HIP1: variants seen among roughly 807,000 people sequenced by gnomAD.
HIP1 encodes the protein huntingtin interacting protein 1, also known as huntingtin-interacting protein 1.
A neutral mutation model predicts 147.6 loss-of-function variants in HIP1; 65 were observed. The observed-to-expected ratio is 0.44, with a 90% CI of 0.36 to 0.54. The LOEUF (loss-of-function observed/expected upper bound fraction) is 0.54. Ranked by LOEUF, HIP1 falls within the 20% of genes least tolerant of loss-of-function variation. The pLI is 0.00. For synonymous variants in HIP1, 479 were observed against 504.0 expected (o/e 0.95, Z 0.67); for missense variants, 1,061 against 1,299.6 (o/e 0.82, Z 2.82).
chr7:75,602,332 T>TTC (rs1554503109), intron 1 of HIP1, among the ~76,000 whole-genome samples: 15 of 116,148 alleles, frequency 1.3e-4, no homozygotes, highest in African/African-American at 2.3e-4. Flanking sequence ...TTTTTTTTTT[T>TTC]CAAAAGAGAT....
intron 1 of HIP1, among the ~76,000 whole-genome samples, chr7:75,624,413 A>C (rs1797959946): frequency 6.6e-6 from 1 of 152,122 alleles, no homozygotes; most frequent in Non-Finnish European, 1.5e-5. Context: ...TGGGGTGAAG[A>C]AGAGCCCTTC....
intron 9 of HIP1, among the ~76,000 whole-genome samples, chr7:75,567,018 A>C (rs1554495632): frequency 6.6e-6 from 1 of 151,212 alleles, no homozygotes; most frequent in African/African-American, 2.5e-5. Flanking sequence ...AGGCTGAGGC[A>C]GGAGAATCAC....
intron 22 of HIP1, among the ~76,000 whole-genome samples, chr7:75,552,349 G>A (rs1490820916): frequency 1.3e-5 from 2 of 151,890 alleles, no homozygotes; most frequent in Non-Finnish European, 2.9e-5. Flanking sequence ...TGGTATACAG[G>A]ACATATTTAT....
chr7:75,692,263 A>G (rs1800482783), intron 1 of HIP1, among the ~76,000 whole-genome samples: 1 of 151,282 alleles, frequency 6.6e-6, no homozygotes, highest in Non-Finnish European at 1.5e-5. Flanking sequence ...TTAATTATTT[A>G]TTGATTTTTT....
At chr7:75,631,704 G>T (rs1798227575) in intron 1 of HIP1, among the ~76,000 whole-genome samples, 1 of 152,080 alleles carries the variant, frequency 6.6e-6, no homozygotes, top group Admixed American at 6.6e-5. Context: ...TTTATTTGGG[G>T]CTCCGGAGCA....
intron 1 of HIP1, among the ~76,000 whole-genome samples, chr7:75,701,916 A>ATTAT (rs1308236341): frequency 2.2e-4 from 33 of 151,780 alleles, no homozygotes; most frequent in African/African-American, 6.3e-4. Context: ...TCCTCACTTT[A>ATTAT]TTATTTATTT....
chr7:75,653,212 G>T (rs781972711), intron 1 of HIP1, among the ~76,000 whole-genome samples: 1 of 152,060 alleles, frequency 6.6e-6, no homozygotes, highest in Non-Finnish European at 1.5e-5. Context: ...CAGGCTGGGG[G>T]TCTGCTCTGG....
At chr7:75,630,813 G>T (rs1169275315) in intron 1 of HIP1, among the ~76,000 whole-genome samples, 1 of 152,128 alleles carries the variant, frequency 6.6e-6, no homozygotes, top group Non-Finnish European at 1.5e-5. Flanking sequence ...ACCCAGCAGT[G>T]ATCATTCTGC....
chr7:75,706,331 ATTGT>A (rs1244165869), intron 1 of HIP1, among the ~76,000 whole-genome samples: 4 of 151,422 alleles, frequency 2.6e-5, no homozygotes, highest in African/African-American at 4.9e-5. Flanking sequence ...GGTTTTATTT[ATTGT>A]TTGTTTGTTT....
In HIP1 at chr7:75,538,187, T is replaced by A. The variant is rs1554489155; in HGVS notation, c.3099A>T (p.Val1033=). ...EASPPTLQEV[V]TEKE ...TGGTTTGGCTCTATTCTTTTTCGGTTACCACTTCTTGCAGTGTAGGTGGAG... is the reference window on the plus strand; with the variant it reads ...TGGTTTGGCTCTATTCTTTTTCGGTAACCACTTCTTGCAGTGTAGGTGGAG... The change falls in exon 31 of 31, where the codon GTA becomes GTT. Residue 1033 remains valine (V), a synonymous_variant. Coordinates refer to ENST00000336926, the MANE Select transcript of HIP1 (RefSeq NM_005338.7). 1 of 1,613,030 alleles carries A rather than the reference T, an allele frequency of 6.2e-7. No homozygotes were observed. Among genetic ancestry groups the A allele is most frequent in the Non-Finnish European group, 8.5e-7 (1 of 1,179,070 alleles).
At chr7:75,559,700 G>A (rs1554494128) in intron 14 of HIP1, 32 bp downstream of exon 14, 2 of 1,148,334 alleles carry the variant, frequency 1.7e-6, no homozygotes, top group Middle Eastern at 3.1e-4. Context: ...GCCTGCCCCC[G>A]GGGCCCGCCC....
At chr7:75,735,672 C>A (rs1554523559) in intron 1 of HIP1, among the ~76,000 whole-genome samples, 1 of 151,220 alleles carries the variant, frequency 6.6e-6, no homozygotes, top group African/African-American at 2.4e-5. Flanking sequence ...GTTCTCTTTT[C>A]TTTTCTTTTC....
intron 2 of HIP1, among the ~76,000 whole-genome samples, chr7:75,598,723 C>T (rs1270475249): frequency 6.6e-6 from 1 of 151,848 alleles, no homozygotes; most frequent in Non-Finnish European, 1.5e-5. Flanking sequence ...ATGAGCAATA[C>T]CCCATCTCTA....
chr7:75,720,264 G>A (rs965126321), intron 1 of HIP1, among the ~76,000 whole-genome samples: 19 of 152,094 alleles, frequency 1.2e-4, no homozygotes, highest in African/African-American at 3.4e-4. Flanking sequence ...GGGTTCAAGC[G>A]ATTCTCGTGC....
chr7:75,731,367 C>G (rs113462123), intron 1 of HIP1, among the ~76,000 whole-genome samples: 6,713 of 151,048 alleles, frequency 0.044, 289 homozygotes, highest in Non-Finnish European at 0.062. Context: ...CCTATAATCC[C>G]AGCTACTCCT....
intron 1 of HIP1, among the ~76,000 whole-genome samples, chr7:75,719,248 T>A (rs1801419434): frequency 6.6e-6 from 1 of 151,888 alleles, no homozygotes; most frequent in African/African-American, 2.4e-5. Context: ...CTCATGCTTA[T>A]AATCCCAGCA....
intron 1 of HIP1, among the ~76,000 whole-genome samples, chr7:75,728,402 G>A (rs1372873668): frequency 1.3e-5 from 2 of 152,322 alleles, no homozygotes; most frequent in African/African-American, 4.8e-5. Context: ...AGGTGGGGCT[G>A]ACAAGTTCTC....
chr7:75,676,823 T>A (rs2117259636), intron 1 of HIP1, among the ~76,000 whole-genome samples: 1 of 150,938 alleles, frequency 6.6e-6, no homozygotes, highest in South Asian at 2.1e-4. Context: ...TTCCTTAGCC[T>A]TTCTTTTAAA....
intron 1 of HIP1, among the ~76,000 whole-genome samples, chr7:75,656,012 G>A (rs1001769989): frequency 1.3e-5 from 2 of 151,922 alleles, no homozygotes; most frequent in African/African-American, 4.8e-5. Context: ...CCAACTACTC[G>A]GGAAGCTGAG....
Sources: allele counts gnomAD v4.1 joint callset (sites outside exome capture counted in the v4.1 genomes callset), GRCh38; gene constraint gnomAD v4.1.1; transcripts MANE v1.5; gene names NCBI Gene and HGNC (gene_info 2026-07-23, HGNC 2026-07-21).